Variants in UPP2 observed in about 807,000 individuals in gnomAD.
UPP2 encodes uridine phosphorylase 2, also known as UPase 2.
UPP2 carries 23 observed loss-of-function variants against 26.7 expected under a neutral mutation model. The ratio of observed to expected loss-of-function variants is 0.86; its 90% CI spans 0.62 to 1.22. The LOEUF (loss-of-function observed/expected upper bound fraction) is 1.22. Ranked by LOEUF, UPP2 falls within the 50% of genes most tolerant of loss-of-function variation. The pLI, the probability that UPP2 is intolerant of heterozygous loss-of-function variation, is 0.00. For missense variants in UPP2, 387 were observed against 396.7 expected (o/e 0.98, Z 0.21); for synonymous variants, 127 against 141.3 (o/e 0.90, Z 0.72).
chr2:158,116,464 G>T (rs919859893), intron 3 of UPP2, among the ~76,000 whole-genome samples: 1 of 152,164 alleles, frequency 6.6e-6, no homozygotes, highest in Non-Finnish European at 1.5e-5. Flanking sequence ...TGTCCTGTCT[G>T]GGAAAAAGAC....
chr2:158,125,304 T>C (rs991640067), intron 6 of UPP2, among the ~76,000 whole-genome samples: 1 of 152,226 alleles, frequency 6.6e-6, no homozygotes, highest in Non-Finnish European at 1.5e-5. Context: ...AAAGCTGTAG[T>C]TCTAAGGAGA....
chr2:158,035,272 C>T (rs1195732349), intron 3 of UPP2, among the ~76,000 whole-genome samples: 1 of 151,934 alleles, frequency 6.6e-6, no homozygotes. Context: ...ATTCTCCTGC[C>T]TCAGCTCCTG....
chr2:158,133,360 T>G (rs115996731), intron 6 of UPP2, among the ~76,000 whole-genome samples: 1 of 151,798 alleles, frequency 6.6e-6, no homozygotes, highest in Non-Finnish European at 1.5e-5. Context: ...GTTACCAGAG[T>G]ATAGGGGAGC....
At chr2:158,019,858 C>G (rs1683721910) in intron 3 of UPP2, among the ~76,000 whole-genome samples, 1 of 151,904 alleles carries the variant, frequency 6.6e-6, no homozygotes, top group African/African-American at 2.4e-5. Context: ...AGATCTGTAT[C>G]CTGAAGGTGG....
chr2:158,004,638 A>C (rs549475578), intron 2 of UPP2, among the ~76,000 whole-genome samples: 1 of 152,276 alleles, frequency 6.6e-6, no homozygotes, highest in African/African-American at 2.4e-5. Flanking sequence ...GTCGGGGGAG[A>C]TGGATAAGAA....
At chr2:158,022,288 T>C (rs1307207044) in intron 3 of UPP2, among the ~76,000 whole-genome samples, 1 of 151,866 alleles carries the variant, frequency 6.6e-6, no homozygotes. Flanking sequence ...TGAAACCCTG[T>C]CTCTACTAAA....
rs62177926 is a variant in UPP2 at position 158,106,084 on chromosome 2, A to G, written c.63-15A>G. On this transcript the variant is annotated splice_polypyrimidine_tract_variant and intron_variant, in intron 1 of 6. Transcript: ENST00000005756. Reference sequence around the variant, plus strand: ...AAATTCTTTTATATCTTCTTTGTATAATTTTTTTTTCCAGAAAAAGGTTTG... The same window carrying G: ...AAATTCTTTTATATCTTCTTTGTATGATTTTTTTTTCCAGAAAAAGGTTTG... 62 of 1,550,192 alleles carry G rather than the reference A, an allele frequency of 4.0e-5. No homozygotes were observed. Among genetic ancestry groups the G allele is most frequent in the Non-Finnish European group, 5.3e-5 (61 of 1,145,608 alleles).
chr2:158,007,900 C>T (rs575125985), intron 2 of UPP2, among the ~76,000 whole-genome samples: 1 of 152,320 alleles, frequency 6.6e-6, no homozygotes, highest in East Asian at 1.9e-4. Flanking sequence ...GCTGGGATTA[C>T]AGGAGTGAGT....
At chr2:158,070,348 T>C (rs1173280590) in intron 3 of UPP2, among the ~76,000 whole-genome samples, 1 of 152,220 alleles carries the variant, frequency 6.6e-6, no homozygotes, top group Non-Finnish European at 1.5e-5. Flanking sequence ...CATCTCTACC[T>C]GTCCCTACCC....
intron 3 of UPP2, among the ~76,000 whole-genome samples, chr2:158,023,063 A>G (rs1193225371): frequency 2.0e-5 from 3 of 151,314 alleles, no homozygotes; most frequent in African/African-American, 7.3e-5. Flanking sequence ...CTCAGCACCC[A>G]ACAAGATGAA....
upstream of UPP2, chr2:158,101,755 C>A (rs571304291): frequency 1.5e-4 from 129 of 875,528 alleles, no homozygotes; most frequent in African/African-American, 2.3e-3. Context: ...ACAAGCTAAC[C>A]AACCTGGTCA....
At chr2:158,077,093 C>T (rs934155528) in intron 3 of UPP2, among the ~76,000 whole-genome samples, 1 of 151,584 alleles carries the variant, frequency 6.6e-6, no homozygotes, top group Non-Finnish European at 1.5e-5. Flanking sequence ...AATTAAATAC[C>T]TAGGAATTAA....
intron 3 of UPP2, among the ~76,000 whole-genome samples, chr2:158,069,339 T>C (rs1682500004): frequency 6.6e-6 from 1 of 152,204 alleles, no homozygotes; most frequent in Non-Finnish European, 1.5e-5. Context: ...GGTTAAGCTA[T>C]GCTAGTAGAG....
At chr2:158,004,246 A>T (rs923655012) in intron 2 of UPP2, among the ~76,000 whole-genome samples, 2 of 152,206 alleles carry the variant, frequency 1.3e-5, no homozygotes, top group African/African-American at 4.8e-5. Flanking sequence ...TTAGAAAAAT[A>T]AAAAACAATC....
intron 3 of UPP2, among the ~76,000 whole-genome samples, chr2:158,071,247 G>A (rs1682534842): frequency 6.6e-6 from 1 of 152,080 alleles, no homozygotes; most frequent in African/African-American, 2.4e-5. Context: ...CCCAGGCAGT[G>A]CAACTCGCAG....
chr2:158,071,348 C>T (rs1469765971), intron 3 of UPP2, among the ~76,000 whole-genome samples: 4 of 151,802 alleles, frequency 2.6e-5, no homozygotes, highest in Admixed American at 1.3e-4. Context: ...GTCAGGAGTA[C>T]AAGACCAGCC....
At chr2:158,005,961 A>C (rs1485694639) in intron 2 of UPP2, among the ~76,000 whole-genome samples, 1 of 152,108 alleles carries the variant, frequency 6.6e-6, no homozygotes, top group East Asian at 1.9e-4. Context: ...AGGCGTGTTC[A>C]TCCCCTCCTC....
chr2:158,054,131 C>G (rs1022749862), intron 3 of UPP2, among the ~76,000 whole-genome samples: 4 of 152,022 alleles, frequency 2.6e-5, no homozygotes, highest in African/African-American at 9.7e-5. Context: ...ATTAGCTGGG[C>G]GCAGTGGCAC....
intron 3 of UPP2, among the ~76,000 whole-genome samples, chr2:158,026,212 C>T (rs958617039): frequency 6.6e-6 from 1 of 152,128 alleles, no homozygotes; most frequent in African/African-American, 2.4e-5. Flanking sequence ...CTCTTTCTGC[C>T]TCTTCTCTTA....
Sources: allele counts gnomAD v4.1 joint callset (sites outside exome capture counted in the v4.1 genomes callset), GRCh38; gene constraint gnomAD v4.1.1; transcripts MANE v1.5; gene names NCBI Gene and HGNC (gene_info 2026-07-23, HGNC 2026-07-21).